The following PCDH15 variants were observed in gnomAD, a reference collection of about 807,000 sequenced individuals.
PCDH15 encodes protocadherin related 15, also known as protocadherin-15.
In PCDH15, 129 loss-of-function variants were observed where a neutral mutation model predicts 178.5. That is an observed-to-expected ratio of 0.72 (90% CI 0.63 to 0.84). PCDH15 has a LOEUF of 0.84. PCDH15 is among the 40% of genes least tolerant of loss of function. PCDH15 has a pLI of 0.00. For synonymous variants in PCDH15, 800 were observed against 732.0 expected (o/e 1.09, Z -1.50); for missense variants, 2,230 against 2,099.9 (o/e 1.06, Z -1.21).
At position 54,690,597 on chromosome 10, in the gene PCDH15, G is replaced by A. The variant is rs538526857; in HGVS notation, c.-28-26307C>T. ...CAAAGTGCTGGGATTACAGGCATGA[G>A]CCACCATGGCCAGCCACAAGACTAT... On this transcript the variant is annotated intron_variant, in intron 1 of 37. Coordinates refer to ENST00000644397, the MANE Select transcript of PCDH15 (RefSeq NM_001384140.1). Among the ~76,000 whole-genome samples, 47 of 152,176 alleles carry A rather than the reference G, an allele frequency of 3.1e-4. No homozygotes were observed. The East Asian group carries it at 8.1e-3, about 26-fold the overall frequency.
chr10:54,726,143 C>A (rs889256052), intron 1 of PCDH15, among the ~76,000 whole-genome samples: 2 of 150,988 alleles, frequency 1.3e-5, no homozygotes, highest in African/African-American at 4.9e-5. Context: ...AGCAGCAATA[C>A]TACATGCCTT....
Position 55,069,287 on chromosome 10 carries a change from T to C in PCDH15, c.-80+97289A>G, listed in dbSNP as rs73251941. On this transcript the variant is annotated intron_variant, in intron 2 of 5. Transcript: ENST00000458638. ...TTTTCATGTTTAAAATAACAATTTT[T>C]TTTTTATACTTTAAGTTTTAGGGTA... Among the ~76,000 whole-genome samples, 1,124 of 151,660 alleles carry C rather than the reference T, an allele frequency of 7.4e-3. 15 individuals are homozygous for C. Among genetic ancestry groups the C allele is most frequent in the African/African-American group, 0.025 (1,052 of 41,272 alleles).
intron 2 of PCDH15, among the ~76,000 whole-genome samples, chr10:55,489,877 C>T (rs1840374835): frequency 6.6e-6 from 1 of 151,484 alleles, no homozygotes. Flanking sequence ...AATGACTCCC[C>T]AATGTAAAAG....
intron 1 of PCDH15, among the ~76,000 whole-genome samples, chr10:55,213,620 T>A (rs1840627111): frequency 3.3e-5 from 5 of 151,780 alleles, no homozygotes; most frequent in Admixed American, 3.3e-4. Context: ...AAATCTTAAA[T>A]ATATGTTATA....
At chr10:54,195,261 T>C (rs2049490093) in intron 11 of PCDH15, among the ~76,000 whole-genome samples, 1 of 152,350 alleles carries the variant, frequency 6.6e-6, no homozygotes, top group South Asian at 2.1e-4. Flanking sequence ...GCCTCAAATA[T>C]ATTTTAATAA....
chr10:54,300,541 CT>C (rs1275209051), intron 8 of PCDH15, among the ~76,000 whole-genome samples: 1 of 152,168 alleles, frequency 6.6e-6, no homozygotes, highest in Non-Finnish European at 1.5e-5. Flanking sequence ...TTCTTCGCCC[CT>C]ATCCGGCAGG....
At chr10:54,298,019 C>T (rs182455599) in intron 8 of PCDH15, among the ~76,000 whole-genome samples, 1 of 152,276 alleles carries the variant, frequency 6.6e-6, no homozygotes, top group African/African-American at 2.4e-5. Flanking sequence ...CCCACTGGGA[C>T]TTCAACTCAG....
At chr10:54,983,867 C>T (rs975375967) in intron 2 of PCDH15, among the ~76,000 whole-genome samples, 1 of 152,044 alleles carries the variant, frequency 6.6e-6, no homozygotes, top group Non-Finnish European at 1.5e-5. Flanking sequence ...TGTACCTCCT[C>T]CCCATTCCCT....
At chr10:55,117,612 C>T (rs944907608) in intron 2 of PCDH15, among the ~76,000 whole-genome samples, 3 of 152,156 alleles carry the variant, frequency 2.0e-5, no homozygotes, top group African/African-American at 7.2e-5. Context: ...GCCTGTCCCA[C>T]TATTTAGACT....
chr10:54,992,538 G>A (rs1369232608), intron 2 of PCDH15, among the ~76,000 whole-genome samples: 2 of 152,124 alleles, frequency 1.3e-5, no homozygotes, highest in Admixed American at 6.5e-5. Context: ...AGATCACAAG[G>A]TCAGGAGATT....
chr10:53,932,958 C>T (rs1338450152), intron 25 of PCDH15, among the ~76,000 whole-genome samples: 2 of 152,096 alleles, frequency 1.3e-5, no homozygotes, highest in Admixed American at 6.6e-5. Context: ...TGTGTGGCAC[C>T]TTCCCCCACC....
intron 2 of PCDH15, among the ~76,000 whole-genome samples, chr10:54,918,410 A>T (rs1226854537): frequency 6.6e-6 from 1 of 152,152 alleles, no homozygotes; most frequent in Non-Finnish European, 1.5e-5. Context: ...ATTCTCATTT[A>T]AAAAAATACT....
intron 3 of PCDH15, among the ~76,000 whole-genome samples, chr10:54,459,038 A>G (rs1008933023): frequency 1.3e-4 from 19 of 151,990 alleles, no homozygotes; most frequent in Admixed American, 5.9e-4. Context: ...TTCTCTGGGT[A>G]CTCTGGCTTC....
intron 3 of PCDH15, among the ~76,000 whole-genome samples, chr10:54,436,011 GGA>G (rs3070715): frequency 2.8e-4 from 16 of 58,070 alleles, no homozygotes; most frequent in African/African-American, 1.5e-3. Flanking sequence ...GAAGAGGAGA[GGA>G]GAGGAGAGGA....
intron 1 of PCDH15, among the ~76,000 whole-genome samples, chr10:54,798,897 T>C (rs1308870488): frequency 6.6e-6 from 1 of 152,110 alleles, no homozygotes; most frequent in Non-Finnish European, 1.5e-5. Flanking sequence ...AAAAAGTTCC[T>C]ACAGTCTGAA....
intron 3 of PCDH15, among the ~76,000 whole-genome samples, chr10:54,808,271 A>G (rs1374240264): frequency 6.6e-6 from 1 of 152,280 alleles, no homozygotes; most frequent in African/African-American, 2.4e-5. Context: ...TGTCTTTTGC[A>G]TTCTCCTCCA....
At chr10:54,628,601 G>T (rs770867572) in intron 2 of PCDH15, among the ~76,000 whole-genome samples, 12 of 152,072 alleles carry the variant, frequency 7.9e-5, no homozygotes, top group African/African-American at 2.9e-4. Flanking sequence ...ATTGAAATAC[G>T]GATGCAAAAT....
At chr10:55,298,264 T>TA (rs1038959889) in intron 1 of PCDH15, among the ~76,000 whole-genome samples, 3 of 152,150 alleles carry the variant, frequency 2.0e-5, no homozygotes, top group African/African-American at 7.2e-5. Flanking sequence ...AAAAATAATG[T>TA]AAAAAAATAT....
At chr10:55,341,015 G>T (rs1331812955) in intron 2 of PCDH15, among the ~76,000 whole-genome samples, 1 of 151,552 alleles carries the variant, frequency 6.6e-6, no homozygotes, top group Non-Finnish European at 1.5e-5. Flanking sequence ...TTTCACTCTG[G>T]TAGGACCTTT....
Sources: allele counts gnomAD v4.1 joint callset (sites outside exome capture counted in the v4.1 genomes callset), GRCh38; gene constraint gnomAD v4.1.1; transcripts MANE v1.5; gene names NCBI Gene and HGNC (gene_info 2026-07-23, HGNC 2026-07-21).